The following LCORL variants were observed in gnomAD, a reference collection of about 807,000 sequenced individuals.
The protein encoded by LCORL is ligand dependent nuclear receptor corepressor like.
A neutral mutation model predicts 141.8 loss-of-function variants in LCORL; 41 were observed. The ratio of observed to expected loss-of-function variants is 0.29; its 90% confidence interval spans 0.23 to 0.38. LCORL has a LOEUF of 0.38. Among genes scored for constraint, LCORL ranks in the 10% least tolerant of loss-of-function variants. The pLI is 1.00. For missense variants in LCORL, 1,759 were observed against 2,035.0 expected, an observed-to-expected ratio of 0.86 and a Z score of 2.61; for synonymous variants, 618 against 694.1, an observed-to-expected ratio of 0.89 and a Z score of 1.72.
chr4:17,972,329 T>C, intron 2 of LCORL, among the ~76,000 whole-genome samples: 1 of 151,832 alleles, frequency 6.6e-6, no homozygotes. Flanking sequence ...CACTTAGCCA[T>C]TGTTTCTTCC....
At chr4:17,957,301 T>A (rs1712858010) in intron 4 of LCORL, among the ~76,000 whole-genome samples, 1 of 152,032 alleles carries the variant, frequency 6.6e-6, no homozygotes, top group Non-Finnish European at 1.5e-5. Context: ...TGCCTGCCAG[T>A]TGCCTCCTTA....
At chr4:17,854,734 G>A (rs1250661666) in intron 7 of LCORL, among the ~76,000 whole-genome samples, 1 of 151,892 alleles carries the variant, frequency 6.6e-6, no homozygotes, top group African/African-American at 2.4e-5. Flanking sequence ...TTTTCCTTTG[G>A]TAGGATACTG....
intron 7 of LCORL, among the ~76,000 whole-genome samples, chr4:17,868,828 C>T (rs2109156646): frequency 6.6e-6 from 1 of 152,266 alleles, no homozygotes; most frequent in East Asian, 1.9e-4. Context: ...AAGGGCCCAC[C>T]TTTCTCCAGG....
chr4:17,881,201 G>A (rs1266260353), intron 6 of LCORL: 2 of 979,544 alleles, frequency 2.0e-6, no homozygotes, highest in Non-Finnish European at 1.2e-6. Flanking sequence ...ATTCAAATAA[G>A]TAGAAAGCAC....
At chr4:18,001,849 A>AT (rs563707894) in intron 1 of LCORL, among the ~76,000 whole-genome samples, 8 of 152,084 alleles carry the variant, frequency 5.3e-5, no homozygotes, top group Non-Finnish European at 8.8e-5. Flanking sequence ...AATAAAACAA[A>AT]TTTTTTTTAA....
chr4:17,970,966 A>C (rs1328692644), intron 2 of LCORL, among the ~76,000 whole-genome samples: 1 of 152,178 alleles, frequency 6.6e-6, no homozygotes, highest in East Asian at 1.9e-4. Context: ...TTACACATAT[A>C]ATATGATCAA....
At chr4:17,860,638 G>A (rs1724893837) in intron 7 of LCORL, among the ~76,000 whole-genome samples, 1 of 152,088 alleles carries the variant, frequency 6.6e-6, no homozygotes, top group African/African-American at 2.4e-5. Flanking sequence ...GTCCCCCACA[G>A]TCTTATTTCA....
chr4:17,850,870 A>G (rs1023319778), intron 7 of LCORL, among the ~76,000 whole-genome samples: 1 of 151,738 alleles, frequency 6.6e-6, no homozygotes, highest in Non-Finnish European at 1.5e-5. Context: ...AAAGACTTGG[A>G]ACCAACCCAA....
chr4:17,898,462 C>T (rs1167231587), intron 5 of LCORL, among the ~76,000 whole-genome samples: 1 of 152,108 alleles, frequency 6.6e-6, no homozygotes, highest in Non-Finnish European at 1.5e-5. Context: ...AGAGCACTTC[C>T]ATTCCTGTCT....
At chr4:17,924,961 T>C (rs1231793148) in intron 4 of LCORL, among the ~76,000 whole-genome samples, 2 of 151,978 alleles carry the variant, frequency 1.3e-5, no homozygotes, top group Admixed American at 1.3e-4. Flanking sequence ...GGTCCAGGAG[T>C]CAAGGGGTGG....
At chr4:17,863,849 A>G (rs1321976034) in intron 7 of LCORL, among the ~76,000 whole-genome samples, 1 of 152,210 alleles carries the variant, frequency 6.6e-6, no homozygotes, top group South Asian at 2.1e-4. Flanking sequence ...CTGCAGCAAC[A>G]TGGATGGAGC....
At chr4:17,885,351 A>G (rs1455118681) in intron 6 of LCORL, among the ~76,000 whole-genome samples, 1 of 151,982 alleles carries the variant, frequency 6.6e-6, no homozygotes, top group East Asian at 1.9e-4. Context: ...TTATCATTGT[A>G]ATTTTCAAAG....
At chr4:17,843,608 A>AAAAAGTGT in exon 8 of LCORL, 1 of 528,894 alleles carries the variant, frequency 1.9e-6, no homozygotes. Context: ...TATAGTCCAG[A>AAAAAGTGT]AAAAGTGTGC....
intron 4 of LCORL, among the ~76,000 whole-genome samples, chr4:17,920,454 C>G (rs1339917750): frequency 6.6e-6 from 1 of 152,134 alleles, no homozygotes; most frequent in Non-Finnish European, 1.5e-5. Context: ...GGCTTTGCCT[C>G]AATGTTGACA....
intron 5 of LCORL, among the ~76,000 whole-genome samples, chr4:17,893,902 G>A (rs753747384): frequency 1.3e-5 from 2 of 152,120 alleles, no homozygotes; most frequent in Non-Finnish European, 1.5e-5. Flanking sequence ...GGGTTCAAGC[G>A]ATTCTCCAGC....
At chr4:18,013,649 C>G (rs773331691) in intron 1 of LCORL, among the ~76,000 whole-genome samples, 1 of 152,122 alleles carries the variant, frequency 6.6e-6, no homozygotes, top group Non-Finnish European at 1.5e-5. Context: ...GTTACTGTCA[C>G]TAAACAGTTT....
chr4:17,962,085 G>A (rs1713921319), intron 3 of LCORL, 53 bp from the exon 4 acceptor site: 1 of 1,326,044 alleles, frequency 7.5e-7, no homozygotes, highest in Non-Finnish European at 1.0e-6. Flanking sequence ...ATTCAAACAT[G>A]GAATTCCATT....
At chr4:17,893,370 GTAAATGAAT>G (rs1270769931) in intron 5 of LCORL, 2 of 956,504 alleles carry the variant, frequency 2.1e-6, no homozygotes, top group Non-Finnish European at 2.5e-6. Flanking sequence ...ATTGAGCTAA[GTAAATGAAT>G]TTAAGTATTA....
At chr4:17,996,319 A>G (rs1720917717) in intron 1 of LCORL, among the ~76,000 whole-genome samples, 2 of 152,136 alleles carry the variant, frequency 1.3e-5, no homozygotes, top group African/African-American at 4.8e-5. Flanking sequence ...CTAGATGTAT[A>G]GAGAAATGAA....
Sources: allele counts gnomAD v4.1 joint callset (sites outside exome capture counted in the v4.1 genomes callset), GRCh38; gene constraint gnomAD v4.1.1; transcripts MANE v1.5; gene names NCBI Gene and HGNC (gene_info 2026-07-23, HGNC 2026-07-21).